The following ADCK1 variants were observed in gnomAD, a reference collection of about 807,000 sequenced individuals.
ADCK1 encodes the protein aarF domain-containing protein kinase 1.
Under a neutral mutation model 52.3 loss-of-function variants are expected in ADCK1, and 41 were observed. The ratio of observed to expected loss-of-function variants is 0.78; its 90% CI spans 0.61 to 1.02. ADCK1 has a LOEUF of 1.02. ADCK1 is among the 50% of genes least tolerant of loss of function. The pLI is 0.00. For missense variants in ADCK1, 658 were observed against 679.5 expected (o/e 0.97, Z 0.35); for synonymous variants, 250 against 274.6 (o/e 0.91, Z 0.89).
At chr14:77,852,488 T>G (rs2082304276) in intron 3 of ADCK1, among the ~76,000 whole-genome samples, 1 of 151,688 alleles carries the variant, frequency 6.6e-6, no homozygotes, top group Non-Finnish European at 1.5e-5. Context: ...ATTCGTATCT[T>G]TATTCTTCTG....
intron 7 of ADCK1, among the ~76,000 whole-genome samples, chr14:77,909,175 G>A (rs1191431641): frequency 8.3e-6 from 1 of 119,806 alleles, no homozygotes; most frequent in African/African-American, 3.3e-5. Flanking sequence ...TGCTCTTGTT[G>A]CCTAGGCTGG....
chr14:77,928,051 G>T (rs1216023037), intron 9 of ADCK1, among the ~76,000 whole-genome samples: 1 of 152,168 alleles, frequency 6.6e-6, no homozygotes, highest in Non-Finnish European at 1.5e-5. Flanking sequence ...AGGGGCTCAG[G>T]CTGCACTGGT....
chr14:77,837,349 G>C (rs1316527829), intron 3 of ADCK1, among the ~76,000 whole-genome samples: 1 of 151,992 alleles, frequency 6.6e-6, no homozygotes, highest in Non-Finnish European at 1.5e-5. Context: ...TGCTGGCCAG[G>C]CTGGTCTTCA....
chr14:77,890,566 C>A (rs1033681506), intron 5 of ADCK1, among the ~76,000 whole-genome samples: 1 of 152,150 alleles, frequency 6.6e-6, no homozygotes, highest in Non-Finnish European at 1.5e-5. Context: ...TGGCAAGGTT[C>A]TAGAAGTGAA....
At chr14:77,924,342 C>G (rs1281214805) in intron 7 of ADCK1, 115 bp from the exon 8 acceptor site, 1 of 1,381,262 alleles carries the variant, frequency 7.2e-7, no homozygotes, top group Non-Finnish European at 9.8e-7. Flanking sequence ...ACCGCTCCGG[C>G]CCACCGATTT....
At chr14:77,802,786 T>TA (rs1163418887) in intron 1 of ADCK1, among the ~76,000 whole-genome samples, 5 of 151,550 alleles carry the variant, frequency 3.3e-5, no homozygotes, top group African/African-American at 7.3e-5. Flanking sequence ...CCGTCTCTAC[T>TA]AAAAAAAATA....
chr14:77,832,958 G>A (rs1462889236), intron 3 of ADCK1, among the ~76,000 whole-genome samples: 3 of 152,126 alleles, frequency 2.0e-5, no homozygotes, highest in African/African-American at 2.4e-5. Context: ...ATTAGCTAAC[G>A]TTAACTGAGC....
intron 1 of ADCK1, among the ~76,000 whole-genome samples, chr14:77,808,855 C>T (rs139929326): frequency 3.3e-5 from 5 of 152,294 alleles, no homozygotes; most frequent in East Asian, 3.9e-4. Flanking sequence ...GGATTACAGG[C>T]GTGAGCCACT....
intron 3 of ADCK1, among the ~76,000 whole-genome samples, chr14:77,840,585 C>T (rs12879890): frequency 0.39 from 58,471 of 151,872 alleles, 12,013 homozygotes; most frequent in Admixed American, 0.51. Context: ...TGGTGGCTCA[C>T]GCCTGTAATC....
chr14:77,833,236 C>T (rs2081894139), intron 3 of ADCK1, among the ~76,000 whole-genome samples: 1 of 152,214 alleles, frequency 6.6e-6, no homozygotes, highest in Admixed American at 6.5e-5. Context: ...TGCGTTCCTC[C>T]TGGAGTAGTG....
chr14:77,835,677 G>A (rs929252407), intron 3 of ADCK1, among the ~76,000 whole-genome samples: 5 of 152,198 alleles, frequency 3.3e-5, no homozygotes, highest in African/African-American at 1.2e-4. Flanking sequence ...GTCCAGGCTG[G>A]AGTATAGTGG....
chr14:77,919,839 G>A (rs544585485), intron 7 of ADCK1, among the ~76,000 whole-genome samples: 49 of 152,100 alleles, frequency 3.2e-4, no homozygotes, highest in African/African-American at 5.5e-4. Flanking sequence ...CATTAGTGAC[G>A]TTGAGCATTT....
intron 4 of ADCK1, among the ~76,000 whole-genome samples, chr14:77,875,145 G>A (rs1047087054): frequency 6.6e-6 from 1 of 152,148 alleles, no homozygotes; most frequent in Non-Finnish European, 1.5e-5. Flanking sequence ...CAGGCAAAAT[G>A]GGGCGGTGGC....
chr14:77,931,601 C>T lies in ADCK1; in HGVS notation c.1290C>T (p.Leu430=), dbSNP rs2084338575. The T allele has an allele frequency of 1.2e-6, 2 of 1,613,794 alleles. No individual in the cohort carries two copies. Among genetic ancestry groups the T allele is most frequent in the Non-Finnish European group, 1.7e-6 (2 of 1,180,044 alleles). ...LLNHVPRQML[L]ILKTNDLLRG... is the part of the protein sequence containing the mutation. ...ACCACGTGCCGCGCCAGATGCTGCT[C>T]ATCTTGAAGACCAACGACCTGCTGC... The change falls in exon 10 of 11, where the codon CTC becomes CTT. Residue 430 remains leucine, a synonymous_variant. Transcript: ENST00000238561.
At chr14:77,876,497 T>C (rs2082902347) in intron 4 of ADCK1, among the ~76,000 whole-genome samples, 1 of 152,194 alleles carries the variant, frequency 6.6e-6, no homozygotes, top group Non-Finnish European at 1.5e-5. Flanking sequence ...CCATATAAGG[T>C]GAACATCTTT....
chr14:77,801,757 T>C (rs2081115292), intron 1 of ADCK1, among the ~76,000 whole-genome samples: 1 of 152,114 alleles, frequency 6.6e-6, no homozygotes, highest in African/African-American at 2.4e-5. Flanking sequence ...CTGGCCAACA[T>C]GGTGAAACCC....
At chr14:77,845,707 G>A (rs11621642) in intron 3 of ADCK1, among the ~76,000 whole-genome samples, 55,487 of 151,942 alleles carry the variant, frequency 0.37, 10,868 homozygotes, top group Admixed American at 0.5. Context: ...TTACAGGCAT[G>A]AGCCACCGCA....
At chr14:77,813,778 G>GTT (rs372653416) in intron 1 of ADCK1, among the ~76,000 whole-genome samples, 3 of 142,198 alleles carry the variant, frequency 2.1e-5, no homozygotes, top group Admixed American at 7.0e-5. Context: ...TTTTTTTTTT[G>GTT]TTTTTTTTTT....
intron 6 of ADCK1, chr14:77,900,665 C>A (rs569616973): frequency 4.5e-6 from 2 of 448,348 alleles, no homozygotes; most frequent in South Asian, 3.2e-5. Flanking sequence ...CGACTCGCAG[C>A]GATGTCGAGG....
Sources: gnomAD v4.1 joint callset for allele counts (sites outside exome capture counted in the v4.1 genomes callset) on GRCh38, gnomAD v4.1.1 for gene constraint, MANE v1.5 for transcripts, NCBI Gene and HGNC (gene_info 2026-07-23, HGNC 2026-07-21) for gene names.